Variants in FN1 observed in about 807,000 individuals in gnomAD.
FN1 encodes fibronectin 1.
In FN1, 106 loss-of-function variants were observed where a neutral mutation model predicts 297.3. The ratio of observed to expected loss-of-function variants is 0.36; its 90% confidence interval spans 0.30 to 0.42. The LOEUF is 0.42. Among genes scored for constraint, FN1 ranks in the 10% least tolerant of loss-of-function variants. The pLI, the probability that FN1 is intolerant of heterozygous loss-of-function variation, is 1.00. For synonymous variants in FN1, 1,149 were observed against 1,152.6 expected (o/e 1.00, Z 0.06); for missense variants, 2,690 against 3,124.9 (o/e 0.86, Z 3.32).
chr2:215,371,760 G>A (rs2056204510), intron 40 of FN1, 149 bp downstream of exon 40: 1 of 680,784 alleles, frequency 1.5e-6, no homozygotes. Flanking sequence ...TGATCCACCT[G>A]CCTCGGCCTC....
chr2:215,383,388 T>G lies in FN1; in HGVS notation c.4990A>C (p.Arg1664=). The change falls in exon 31 of 46, where the codon AGA becomes CGA. Residue 1664 remains arginine (R), a synonymous_variant. Coordinates refer to ENST00000354785, the MANE Select transcript of FN1 (RefSeq NM_212482.4). The part of the protein sequence containing the change: ...LPSSSPVTGY[R]VTTTPKNGPG... ...CCATTTTTGGGAGTGGTGGTTACTCTGTAACCAGTAACAGGGGAACTTGAA... is the reference window on the plus strand; with the variant it reads ...CCATTTTTGGGAGTGGTGGTTACTCGGTAACCAGTAACAGGGGAACTTGAA... 6.2e-7 allele frequency: 1 copy of G among 1,612,540 alleles called. No homozygotes were observed. Among genetic ancestry groups the G allele is most frequent in the South Asian group, 1.1e-5 (1 of 91,066 alleles).
Position 215,393,057 on chromosome 2 carries a change from A to C in FN1, c.3943T>G (p.Phe1315Val). 6.2e-7 allele frequency: 1 copy of C among 1,614,030 alleles called. No homozygotes were observed. The highest frequency in any genetic ancestry group is 8.5e-7 in the Non-Finnish European group (1 of 1,180,004). ...TAGTATCCTACTGAGGAGTCCACAA[A>C]ATCTTCAAAAATAGGGATACCTTCT... ...AGEGIPIFED[F>V]VDSSVGYYTV... Residue 1315 changes from phenylalanine to valine, a missense_variant, in exon 25 of 46, where the codon TTT becomes GTT. Phe to Val is a conservative substitution (Grantham distance 50). Coordinates refer to ENST00000354785, the MANE Select transcript of FN1 (RefSeq NM_212482.4).
In FN1 at chr2:215,435,848, C is replaced by T; in HGVS notation, c.-46G>A. 6.6e-7 allele frequency: 1 copy of T among 1,510,442 alleles called. No homozygotes were observed. The highest frequency in any genetic ancestry group is 8.8e-7 in the Non-Finnish European group (1 of 1,131,398). 93.6% of individuals were successfully genotyped at this position (1,510,442 alleles called of 1,614,324 possible). A position where few individuals can be genotyped will look rare whatever the true frequency, so the allele number is the denominator to read the frequency against. ...ACGCCCGCACCGGGAGGCAAGTTGC[C>T]ACCAAGTTTGCTTCCCTTCGCAACC... On this transcript the variant is annotated 5_prime_UTR_variant, in exon 1 of 46. Coordinates refer to ENST00000354785, the MANE Select transcript of FN1 (RefSeq NM_212482.4).
intron 6 of FN1, 27 bp from the exon 7 acceptor site, chr2:215,425,312 A>G: frequency 6.2e-7 from 1 of 1,609,376 alleles, no homozygotes. Context: ...GGAATGTCAC[A>G]AAACTGGGTG....
In FN1 at chr2:215,425,163, G is replaced by A; in HGVS notation, c.967C>T (p.Leu323=). 6.2e-7 allele frequency: 1 copy of A among 1,614,166 alleles called. No individual in the cohort carries two copies. Among genetic ancestry groups the A allele is most frequent in the Non-Finnish European group, 8.5e-7 (1 of 1,180,028 alleles). ...GVVYSVGMQW[L]KTQGNKQMLC... ...ATTTGCTTATTTCCTTGTGTCTTCA[G>A]CCACTGCATCCCCACAGAGTAGACC... The change falls in exon 7 of 46, where the codon CTG becomes TTG. Residue 323 remains leucine, a synonymous_variant. Transcript: ENST00000354785.
chr2:215,407,072 C>T (rs575591374), intron 18 of FN1, 55 bp downstream of exon 18: 10 of 1,381,208 alleles, frequency 7.2e-6, no homozygotes, highest in African/African-American at 4.3e-5. Context: ...AACAACCCTC[C>T]TTCAGGAACA....
intron 13 of FN1, among the ~76,000 whole-genome samples, chr2:215,414,445 A>G (rs1392544294): frequency 4.6e-5 from 7 of 152,062 alleles, no homozygotes; most frequent in Non-Finnish European, 1.0e-4. Context: ...TTTTTTTTCA[A>G]ATTATGAAAA....
chr2:215,371,011 T>C (rs2106229791), intron 40 of FN1, among the ~76,000 whole-genome samples: 2 of 152,336 alleles, frequency 1.3e-5, no homozygotes, highest in Middle Eastern at 3.4e-3. Flanking sequence ...GGCTCATGCT[T>C]GTAGTCCCAG....
chr2:215,433,601 TAC>T (rs2066915590), intron 2 of FN1, 140 bp from the exon 3 acceptor site: 2 of 857,714 alleles, frequency 2.3e-6, no homozygotes, highest in Non-Finnish European at 3.8e-6. Flanking sequence ...AAGTGAGAGA[TAC>T]AGATTTTTAT....
At chr2:215,362,915 T>C (rs2053783652) in intron 44 of FN1, 1 of 152,430 alleles carries the variant, frequency 6.6e-6, no homozygotes, top group African/African-American at 2.4e-5. Flanking sequence ...GCGCCATTGC[T>C]GGAGCAGCCC....
At chr2:215,386,992 AAAAAG>A (rs772428997) in intron 27 of FN1, 34 bp from the exon 28 acceptor site, 12 of 1,586,182 alleles carry the variant, frequency 7.6e-6, no homozygotes, top group East Asian at 6.8e-5. Context: ...AAGAGAAAAA[AAAAAG>A]AAAAGACACC....
At position 215,429,495 on chromosome 2, in the gene FN1, G is replaced by A. The variant is rs545425676; in HGVS notation, c.686-1157C>T. On this transcript the variant is annotated intron_variant, in intron 5 of 45. Coordinates refer to ENST00000354785, the MANE Select transcript of FN1 (RefSeq NM_212482.4). ...TAGAGAAAAAAAATTAATAGTTGAT[G>A]TAGGTTCAAACAAATACACACCCAC... Among the ~76,000 whole-genome samples the A allele has an allele frequency of 2.0e-5, 3 of 152,332 alleles. No homozygotes were observed. The South Asian group carries it at 6.2e-4, about 32-fold the overall frequency.
Position 215,435,961 on chromosome 2 carries a change from G to T in FN1, c.-159C>A, listed in dbSNP as rs1366055232. 2.1e-6 allele frequency: 3 copies of T among 1,409,180 alleles called. No individual in the cohort carries two copies. The African/African-American group carries it at 4.3e-5, about 20-fold the overall frequency. 87.3% of individuals were successfully genotyped at this position (1,409,180 alleles called of 1,614,324 possible). A position where few individuals can be genotyped will look rare whatever the true frequency, so the allele number is the denominator to read the frequency against. On this transcript the variant is annotated 5_prime_UTR_variant, in exon 1 of 46. Transcript: ENST00000354785. ...AGGGTGGGGAAGGGGACGGGTGGAG[G>T]GACAGAAGGGATGCAGAGGACCAGA...
At chr2:215,427,140 G>A (rs1214771825) in intron 6 of FN1, among the ~76,000 whole-genome samples, 1 of 152,122 alleles carries the variant, frequency 6.6e-6, no homozygotes, top group Non-Finnish European at 1.5e-5. Context: ...CTCCCAAAGT[G>A]CTGGGATTAC....
Position 215,371,889 on chromosome 2 carries a change from T to C in FN1, c.6714+20A>G. The C allele has an allele frequency of 6.3e-7, 1 of 1,589,002 alleles. No individual in the cohort carries two copies. Among genetic ancestry groups the C allele is most frequent in the Non-Finnish European group, 8.6e-7 (1 of 1,157,108 alleles). Reference sequence around the variant, plus strand: ...CCTTTCTGTGCTGCCCCATGAGAAGTGAAGAGAACAATTAATTACCTGTAA... The same window carrying C: ...CCTTTCTGTGCTGCCCCATGAGAAGCGAAGAGAACAATTAATTACCTGTAA... On this transcript the variant is annotated intron_variant, in intron 40 of 45. Transcript: ENST00000354785.
chr2:215,422,093 C>T lies in FN1; in HGVS notation c.1544G>A (p.Arg515Gln), dbSNP rs376696206. Reference protein sequence around the residue: ...EWTCIAYSQLRDQCIVDDITY... With the variant: ...EWTCIAYSQLQDQCIVDDITY... ...TTTTTGTTAATCAGCCAGCATACCT[C>T]GAAGCTGCGAGTAGGCAATGCATGT... is the stretch of plus-strand genomic sequence containing the variant. The change falls in exon 10 of 46, where the codon CGA becomes CAA. Residue 515 changes from arginine (R) to glutamine (Q), a missense_variant and splice_region_variant. Arg to Gln is a conservative substitution (Grantham distance 43). Around this residue, in one of 3 missense-constraint regions of FN1, gnomAD observed 876 missense variants for 1,058.1 expected, o/e 0.83. Transcript: ENST00000354785. 2.0e-5 allele frequency: 32 copies of T among 1,614,028 alleles called. No individual in the cohort carries two copies. Among genetic ancestry groups the T allele is most frequent in the Admixed American group, 6.7e-5 (4 of 60,010 alleles).
chr2:215,430,837 T>A lies in FN1; in HGVS notation c.563A>T (p.Asp188Val). The A allele has an allele frequency of 1.2e-6, 2 of 1,614,038 alleles. No homozygotes were observed. Among genetic ancestry groups the A allele is most frequent in the Non-Finnish European group, 1.7e-6 (2 of 1,179,962 alleles). Residue 188 changes from aspartate to valine, a missense_variant, in exon 5 of 46, where the codon GAT (aspartate) becomes GTT (valine). By Grantham distance (152) the Asp-to-Val change is radical. Transcript: ENST00000354785. ...TCKPIAEKCF[D>V]HAAGTSYVVG... ...CACATAGGAAGTCCCAGCAGCATGATCAAAACACTTCTCAGCTGTAGGGAA... is the reference window on the plus strand; with the variant it reads ...CACATAGGAAGTCCCAGCAGCATGAACAAAACACTTCTCAGCTGTAGGGAA...
chr2:215,393,001 G>A lies in FN1; in HGVS notation c.3999C>T (p.Asp1333=), dbSNP rs1359565573. ...TGAGAGTGATAACGCTGATATCATA[G>A]TCAATGCCCGGCTCCAGCCCTGTGA... ...YTVTGLEPGI[D]YDISVITLIN... Residue 1333 remains aspartate (D), a synonymous_variant, in exon 25 of 46, where the codon GAC becomes GAT. Coordinates refer to ENST00000354785, the MANE Select transcript of FN1 (RefSeq NM_212482.4). 3 of 1,613,794 alleles carry A rather than the reference G, an allele frequency of 1.9e-6. No individual in the cohort carries two copies. In the African/African-American group the frequency reaches 4.0e-5, roughly 22 times the overall value.
In FN1 at chr2:215,435,989, A is replaced by T; in HGVS notation, c.-187T>A. The T allele has an allele frequency of 7.6e-7, 1 of 1,309,418 alleles. No homozygotes were observed. The highest frequency in any genetic ancestry group is 1.0e-6 in the Non-Finnish European group (1 of 988,532). The allele number at this position is 1,309,418 out of a possible 1,614,324, so 81.1% of individuals were successfully genotyped here. ...CAGAAGGGATGCAGAGGACCAGAGA[A>T]GTTGTGGCTGCAGGTCCCCTCTTCC... On this transcript the variant is annotated 5_prime_UTR_variant, in exon 1 of 46. Transcript: ENST00000354785.
Sources: gnomAD v4.1 joint callset for allele counts (sites outside exome capture counted in the v4.1 genomes callset) on GRCh38, gnomAD v4.1.1 for gene constraint, gnomAD v4.1.1 regional missense constraint, MANE v1.5 for transcripts, NCBI Gene and HGNC (gene_info 2026-07-23, HGNC 2026-07-21) for gene names.